The following KCNA10 variants were observed in gnomAD, a reference collection of about 807,000 sequenced individuals.
KCNA10 encodes the protein cyclic GMP gated potassium channel.
Under a neutral mutation model 21.4 loss-of-function variants are expected in KCNA10, and 16 were observed. The observed-to-expected ratio is 0.75, with a 90% CI of 0.51 to 1.14. The LOEUF is 1.14. Ranked by LOEUF, KCNA10 falls within the 50% of genes most tolerant of loss-of-function variation. The pLI is 0.00. For missense variants in KCNA10, 677 were observed against 649.1 expected (o/e 1.04, Z -0.47); for synonymous variants, 276 against 245.9 (o/e 1.12, Z -1.15).
chr1:110,518,552 A>T lies in KCNA10; in HGVS notation c.236T>A (p.Val79Glu). The stretch of plus-strand genomic sequence containing the variant: ...CCGCTGGTTTCCTTCATTTAGGACC[A>T]CTGGCTCAGGCCCTGGGGGGTCAGC... ...DYADPPGPEP[V>E]VLNEGNQRVI... The change falls in exon 1 of 1, where the codon GTG becomes GAG. Residue 79 changes from valine (V) to glutamate (E), a missense_variant. Physicochemically the swap from Val to Glu is moderately radical, Grantham distance 121. Coordinates refer to ENST00000369771, the MANE Select transcript of KCNA10 (RefSeq NM_005549.2). 2 of 1,614,144 alleles carry T rather than the reference A, an allele frequency of 1.2e-6. No homozygotes were observed. The highest frequency in any genetic ancestry group is 1.7e-6 in the Non-Finnish European group (2 of 1,180,036).
chr1:110,519,082 T>C lies in KCNA10; in HGVS notation c.-295A>G, dbSNP rs1375830186. ...GATCCTGGCAAAGAAGGGGAGATTC[T>C]CCCCAGCAAAGGATGGTCTCCATAT... On this transcript the variant is annotated 5_prime_UTR_variant, in exon 1 of 1. Transcript: ENST00000369771. The C allele has an allele frequency of 7.0e-6, 2 of 284,390 alleles. No homozygotes were observed. The highest frequency in any genetic ancestry group is 1.1e-3 in the Middle Eastern group (1 of 894). The allele number at this position is 284,390 out of a possible 1,614,324, so 17.6% of individuals were successfully genotyped here.
rs752100887 is a variant in KCNA10, at chr1:110,517,489, C to A, written c.1299G>T (p.Gly433=). 3 of 1,614,060 alleles carry A rather than the reference C, an allele frequency of 1.9e-6. No individual in the cohort carries two copies. In the East Asian group the frequency reaches 6.7e-5, roughly 36 times the overall value. Reference sequence around the variant, plus strand: ...CACACAGAGTGCCCACAATCTTCCCCCCTGGGGTGGTCGGGCACATGTCCC... The same window carrying A: ...CACACAGAGTGCCCACAATCTTCCCACCTGGGGTGGTCGGGCACATGTCCC... ...GYGDMCPTTP[G]GKIVGTLCAI... is the part of the protein sequence containing the mutation. The change falls in exon 1 of 1, where the codon GGG becomes GGT. Residue 433 remains glycine (G), a synonymous_variant. Transcript: ENST00000369771.
chr1:110,517,221 G>A lies in KCNA10; in HGVS notation c.*31C>T. 3 of 1,487,710 alleles carry A rather than the reference G, an allele frequency of 2.0e-6. No individual in the cohort carries two copies. The highest frequency in any genetic ancestry group is 2.8e-6 in the Non-Finnish European group (3 of 1,075,130). 92.2% of individuals were successfully genotyped at this position (1,487,710 alleles called of 1,614,324 possible). A position where few individuals can be genotyped will look rare whatever the true frequency, so the allele number is the denominator to read the frequency against. On this transcript the variant is annotated 3_prime_UTR_variant, in exon 1 of 1. Transcript: ENST00000369771. ...AGAGAGAGAGAGAAGAGAGAAGAGA[G>A]ACAGGATGGACCCAAGAAGCCCTGG...
rs143185104 is a variant in KCNA10, at chr1:110,517,555, G to A, written c.1233C>T (p.Gly411=). ...PESHFSSIPD[G]FWWAVVTMTT... The stretch of plus-strand genomic sequence containing the variant: ...TCATGGTGACCACTGCCCACCAGAA[G>A]CCATCAGGAATGCTAGAGAAATGGG... The change falls in exon 1 of 1, where the codon GGC becomes GGT. Residue 411 remains glycine (G), a synonymous_variant. Coordinates refer to ENST00000369771, the MANE Select transcript of KCNA10 (RefSeq NM_005549.2). The A allele has an allele frequency of 1.3e-5, 21 of 1,614,086 alleles. No homozygotes were observed. In the African/African-American group the frequency reaches 2.8e-4, roughly 22 times the overall value.
rs757965548 is a variant in KCNA10 at position 110,517,392 on chromosome 1, G to A, written c.1396C>T (p.Arg466Trp). 1.2e-5 allele frequency: 19 copies of A among 1,614,046 alleles called. No homozygotes were observed. The highest frequency in any genetic ancestry group is 7.7e-5 in the South Asian group (7 of 91,078). ...IVSNFNYFYH[R>W]ETENEEKQNI... ...TGCTTTTCTTCATTCTCAGTCTCCC[G>A]GTGGTAGAAGTAATTGAAGTTGGAG... The change falls in exon 1 of 1, where the codon CGG becomes TGG. Residue 466 changes from arginine to tryptophan, a missense_variant. By Grantham distance (101) the Arg-to-Trp change is moderately radical. Transcript: ENST00000369771.
rs1647237478 is a variant in KCNA10 at position 110,517,331 on chromosome 1, C to T, written c.1457G>A (p.Ser486Asn). 1 of 1,614,178 alleles carries T rather than the reference C, an allele frequency of 6.2e-7. No individual in the cohort carries two copies. The highest frequency in any genetic ancestry group is 1.7e-5 in the Admixed American group (1 of 60,026). Reference protein sequence around the residue: ...IPGEIERILNSVGSRMGSTDS... With the variant: ...IPGEIERILNNVGSRMGSTDS... ...TGTGCTGCCCATTCTTGAGCCTACA[C>T]TGTTGAGGATTCTTTCAATTTCTCC... Residue 486 changes from serine (S) to asparagine (N), a missense_variant, in exon 1 of 1, where the codon AGT (serine) becomes AAT (asparagine). Transcript: ENST00000369771.
rs1055009140 is a variant in KCNA10 at position 110,518,991 on chromosome 1, C to A, written c.-204G>T. The stretch of plus-strand genomic sequence containing the variant: ...TCATGGTTATTTTGGCAGCATGCTT[C>A]CCTTAAAATCATTTTGTACCCCTGA... On this transcript the variant is annotated 5_prime_UTR_variant, in exon 1 of 1. An upstream open reading frame in the 5' UTR gains an earlier in-frame stop. Transcript: ENST00000369771. 2 of 456,604 alleles carry A rather than the reference C, an allele frequency of 4.4e-6. No individual in the cohort carries two copies. Among genetic ancestry groups the A allele is most frequent in the Admixed American group, 7.6e-5 (2 of 26,170 alleles). The allele number at this position is 456,604 out of a possible 1,614,324, so 28.3% of individuals were successfully genotyped here. A position where few individuals can be genotyped will look rare whatever the true frequency, so the allele number is the denominator to read the frequency against.
At position 110,517,793 on chromosome 1, in the gene KCNA10, T is replaced by C; in HGVS notation, c.995A>G (p.Gln332Arg). 2 of 1,614,088 alleles carry C rather than the reference T, an allele frequency of 1.2e-6. No individual in the cohort carries two copies. Among genetic ancestry groups the C allele is most frequent in the Non-Finnish European group, 1.7e-6 (2 of 1,180,026 alleles). ...CAGGATGGCCAGGGACATGTTCTGT[T>C]GGGCACTCGGCTCTGTCTCCTGGAC... ...ELVQETEPSA[Q>R]QNMSLAILRI... Residue 332 changes from glutamine to arginine, a missense_variant, in exon 1 of 1, where the codon CAA (glutamine) becomes CGA (arginine). Transcript: ENST00000369771.
chr1:110,518,983 G>A lies in KCNA10; in HGVS notation c.-196C>T. 1 of 465,038 alleles carries A rather than the reference G, an allele frequency of 2.2e-6. No individual in the cohort carries two copies. Among genetic ancestry groups the A allele is most frequent in the Non-Finnish European group, 3.9e-6 (1 of 258,058 alleles). 28.8% of individuals were successfully genotyped at this position (465,038 alleles called of 1,614,324 possible). ...AAGGAACGTCATGGTTATTTTGGCAGCATGCTTCCCTTAAAATCATTTTGT... is the reference window on the plus strand; with the variant it reads ...AAGGAACGTCATGGTTATTTTGGCAACATGCTTCCCTTAAAATCATTTTGT... On this transcript the variant is annotated 5_prime_UTR_variant, in exon 1 of 1. Transcript: ENST00000369771.
chr1:110,517,426 A>G lies in KCNA10; in HGVS notation c.1362T>C (p.Pro454=). Reference sequence around the variant, plus strand: ...AGTAATTGAAGTTGGAGACAATGACAGGCACAGGGAGGGCAATGGTGAGGA... The same window carrying G: ...AGTAATTGAAGTTGGAGACAATGACGGGCACAGGGAGGGCAATGGTGAGGA... ...AGVLTIALPV[P]VIVSNFNYFY... The change falls in exon 1 of 1, where the codon CCT becomes CCC. Residue 454 remains proline, a synonymous_variant. Coordinates refer to ENST00000369771, the MANE Select transcript of KCNA10 (RefSeq NM_005549.2). The G allele has an allele frequency of 6.2e-7, 1 of 1,614,220 alleles. No homozygotes were observed. Among genetic ancestry groups the G allele is most frequent in the Non-Finnish European group, 8.5e-7 (1 of 1,180,026 alleles).
Position 110,517,709 on chromosome 1 carries a change from C to T in KCNA10, c.1079G>A (p.Gly360Glu). Residue 360 changes from glycine to glutamate, a missense_variant, in exon 1 of 1, where the codon GGG (glycine) becomes GAG (glutamate). Transcript: ENST00000369771. ...RIFKLSRHSK[G>E]LQILGQTLKA... is the part of the protein sequence containing the mutation. ...CAGTGTTTGCCCGAGGATCTGCAGC[C>T]CCTTGGAGTGGCGCGAGAGCTTGAA... 1 of 1,614,126 alleles carries T rather than the reference C, an allele frequency of 6.2e-7. No individual in the cohort carries two copies. Among genetic ancestry groups the T allele is most frequent in the Non-Finnish European group, 8.5e-7 (1 of 1,180,036 alleles).
chr1:110,518,501 C>T lies in KCNA10; in HGVS notation c.287G>A (p.Arg96Lys). The T allele has an allele frequency of 1.9e-6, 3 of 1,614,206 alleles. No homozygotes were observed. The highest frequency in any genetic ancestry group is 2.5e-6 in the Non-Finnish European group (3 of 1,180,040). ...QRVIINIAGL[R>K]FETQLRTLSQ... ...AAGGGTTCTGAGCTGGGTCTCAAAT[C>T]TCAGCCCAGCAATGTTGATGATCAC... Residue 96 changes from arginine (R) to lysine (K), a missense_variant, in exon 1 of 1, where the codon AGA becomes AAA. Arg to Lys is a conservative substitution (Grantham distance 26). Coordinates refer to ENST00000369771, the MANE Select transcript of KCNA10 (RefSeq NM_005549.2).
At position 110,517,834 on chromosome 1, in the gene KCNA10, A is replaced by G; in HGVS notation, c.954T>C (p.Thr318=). 6.2e-7 allele frequency: 1 copy of G among 1,613,974 alleles called. No individual in the cohort carries two copies. ...TCTCCTGGACTAGCTCTGTGATGAG[A>G]GTTGCAAAGTAGGGGATAATGGAGA... The part of the protein sequence containing the change: ...DIISIIPYFA[T]LITELVQETE... The change falls in exon 1 of 1, where the codon ACT becomes ACC. Residue 318 remains threonine, a synonymous_variant. Coordinates refer to ENST00000369771, the MANE Select transcript of KCNA10 (RefSeq NM_005549.2).
At position 110,517,971 on chromosome 1, in the gene KCNA10, T is replaced by C; in HGVS notation, c.817A>G (p.Met273Val). 8.7e-6 allele frequency: 14 copies of C among 1,613,806 alleles called. No individual in the cohort carries two copies. The highest frequency in any genetic ancestry group is 1.2e-5 in the Non-Finnish European group (14 of 1,179,964). The change falls in exon 1 of 1, where the codon ATG becomes GTG. Residue 273 changes from methionine to valine, a missense_variant. Coordinates refer to ENST00000369771, the MANE Select transcript of KCNA10 (RefSeq NM_005549.2). ...CACACGATGCAGGTAGACTCCACCA[T>C]GAAGAAAGGGTCGGTGAACATGGTC... ...SQTMFTDPFF[M>V]VESTCIVWFT...
In KCNA10 at chr1:110,517,577, T is replaced by G; in HGVS notation, c.1211A>C (p.His404Pro). Residue 404 changes from histidine to proline, a missense_variant, in exon 1 of 1, where the codon CAT becomes CCT. Coordinates refer to ENST00000369771, the MANE Select transcript of KCNA10 (RefSeq NM_005549.2). ...GAAGCCATCAGGAATGCTAGAGAAATGGGACTCTGGCTCATCCACCTCAGC... is the reference window on the plus strand; with the variant it reads ...GAAGCCATCAGGAATGCTAGAGAAAGGGGACTCTGGCTCATCCACCTCAGC... ...YFAEVDEPES[H>P]FSSIPDGFWW... is the part of the protein sequence containing the mutation. 2 of 1,614,066 alleles carry G rather than the reference T, an allele frequency of 1.2e-6. No homozygotes were observed. The highest frequency in any genetic ancestry group is 1.7e-6 in the Non-Finnish European group (2 of 1,180,004).
chr1:110,517,671 G>A lies in KCNA10; in HGVS notation c.1117C>T (p.Arg373Trp), dbSNP rs755353258. 27 of 1,614,042 alleles carry A rather than the reference G, an allele frequency of 1.7e-5. No individual in the cohort carries two copies. Among genetic ancestry groups the A allele is most frequent in the South Asian group, 4.4e-5 (4 of 91,082 alleles). Reference protein sequence around the residue: ...ILGQTLKASMRELGLLIFFLF... With the variant: ...ILGQTLKASMWELGLLIFFLF... ...AAGAAGATGAGCAACCCCAACTCCCGCATGGACGCCTTCAGTGTTTGCCCG... is the reference window on the plus strand; with the variant it reads ...AAGAAGATGAGCAACCCCAACTCCCACATGGACGCCTTCAGTGTTTGCCCG... The change falls in exon 1 of 1, where the codon CGG (arginine) becomes TGG (tryptophan). Residue 373 changes from arginine (R) to tryptophan (W), a missense_variant. By Grantham distance (101) the Arg-to-Trp change is moderately radical (BLOSUM62 -3). Transcript: ENST00000369771.
rs2101236367 is a variant in KCNA10 at position 110,518,906 on chromosome 1, A to AT, written c.-120dup. The AT allele has an allele frequency of 1.2e-6, 1 of 855,194 alleles. No homozygotes were observed. The highest frequency in any genetic ancestry group is 2.7e-5 in the East Asian group (1 of 37,244). 53.0% of individuals were successfully genotyped at this position (855,194 alleles called of 1,614,324 possible). Reference sequence around the variant, plus strand: ...GGCAGAATACAACTGGCCCTTGTTTATTGAGGTAAGGTACACCAATGGGCT... The same window carrying AT: ...GGCAGAATACAACTGGCCCTTGTTTATTTGAGGTAAGGTACACCAATGGGCT... On this transcript the variant is annotated 5_prime_UTR_variant, in exon 1 of 1. It removes the in-frame stop codon of an upstream open reading frame in the 5' UTR. Transcript: ENST00000369771.
Position 110,518,988 on chromosome 1 carries a change from C to T in KCNA10, c.-201G>A, listed in dbSNP as rs746161981. The T allele has an allele frequency of 6.5e-6, 3 of 463,190 alleles. No homozygotes were observed. Among genetic ancestry groups the T allele is most frequent in the African/African-American group, 3.9e-5 (2 of 50,656 alleles). The allele number at this position is 463,190 out of a possible 1,614,324, so 28.7% of individuals were successfully genotyped here. On this transcript the variant is annotated 5_prime_UTR_variant, in exon 1 of 1. Transcript: ENST00000369771. ...ACGTCATGGTTATTTTGGCAGCATG[C>T]TTCCCTTAAAATCATTTTGTACCCC...
rs762947400 is a variant in KCNA10, at chr1:110,517,627, G to C, written c.1161C>G (p.Ile387Met). The C allele has an allele frequency of 6.2e-7, 1 of 1,614,188 alleles. No homozygotes were observed. The highest frequency in any genetic ancestry group is 1.7e-5 in the Admixed American group (1 of 60,022). Residue 387 changes from isoleucine (I) to methionine (M), a missense_variant, in exon 1 of 1, where the codon ATC becomes ATG. Transcript: ENST00000369771. ...CAAAGTAGACTGCACTGGAGAAGAG[G>C]ATGACTCCAATGAAGAGAAAGAAGA... ...LLIFFLFIGVILFSSAVYFAE... is the reference protein window; with the variant it reads ...LLIFFLFIGVMLFSSAVYFAE...
Sources: allele counts gnomAD v4.1 joint callset, GRCh38; gene constraint gnomAD v4.1.1; transcripts MANE v1.5; gene names NCBI Gene and HGNC (gene_info 2026-07-23, HGNC 2026-07-21).